Variants in PCSK2 observed in about 807,000 individuals in gnomAD.
The protein encoded by PCSK2 is neuroendocrine convertase 2.
A neutral mutation model predicts 69.7 loss-of-function variants in PCSK2; 14 were observed. The ratio of observed to expected loss-of-function variants is 0.20; its 90% CI spans 0.13 to 0.31. The LOEUF (loss-of-function observed/expected upper bound fraction) is 0.31, where lower values mean the gene tolerates loss of function less well. Among genes scored for constraint, PCSK2 ranks in the 10% least tolerant of loss-of-function variants. The pLI, the probability that PCSK2 is intolerant of heterozygous loss-of-function variation, is 1.00. For synonymous variants in PCSK2, 307 were observed against 320.7 expected (o/e 0.96, Z 0.46); for missense variants, 544 against 842.5 (o/e 0.65, Z 4.39).
At chr20:17,439,205 A>T (rs185209317) in intron 8 of PCSK2, among the ~76,000 whole-genome samples, 19 of 151,876 alleles carry the variant, frequency 1.3e-4, no homozygotes, top group African/African-American at 4.1e-4. Flanking sequence ...GCACAATCTC[A>T]GCTCACTGCA....
In PCSK2 at chr20:17,429,292, G is replaced by T. The variant is rs2032315537; in HGVS notation, c.621-143G>T. ...AGTCTTCACAGAACTTTAACACAAGGGCTGACCTCTTCAGTGACACAGGGT... is the reference window on the plus strand; with the variant it reads ...AGTCTTCACAGAACTTTAACACAAGTGCTGACCTCTTCAGTGACACAGGGT... On this transcript the variant is annotated intron_variant, in intron 6 of 11. Coordinates refer to ENST00000262545, the MANE Select transcript of PCSK2 (RefSeq NM_002594.5). 10 of 664,388 alleles carry T rather than the reference G, an allele frequency of 1.5e-5. No homozygotes were observed. In the South Asian group the frequency reaches 1.6e-4, roughly 11 times the overall value. 41.2% of individuals were successfully genotyped at this position (664,388 alleles called of 1,614,324 possible).
chr20:17,372,686 A>G lies in PCSK2; in HGVS notation c.543+3409A>G, dbSNP rs189019285. On this transcript the variant is annotated intron_variant, in intron 5 of 11. Coordinates refer to ENST00000262545, the MANE Select transcript of PCSK2 (RefSeq NM_002594.5). The stretch of plus-strand genomic sequence containing the variant: ...ACACTTGGAAGCTGACAATGAAATT[A>G]TATATATTTACATATGGCTGTGAAA... 1.1e-4 allele frequency among the ~76,000 whole-genome samples: 16 copies of G among 152,272 alleles called. No individual in the cohort carries two copies. The East Asian group carries it at 2.9e-3, about 28-fold the overall frequency.
intron 11 of PCSK2, among the ~76,000 whole-genome samples, chr20:17,476,152 C>T (rs937465574): frequency 5.9e-5 from 9 of 152,162 alleles, no homozygotes; most frequent in African/African-American, 1.9e-4. Flanking sequence ...GGCCAGAAAA[C>T]CTGCAAAACA....
intron 5 of PCSK2, among the ~76,000 whole-genome samples, chr20:17,405,637 G>C (rs1379773932): frequency 6.6e-6 from 1 of 152,224 alleles, no homozygotes; most frequent in East Asian, 1.9e-4. Context: ...CAGGCCATCT[G>C]TTTGAAAAGT....
Position 17,465,326 on chromosome 20 carries a change from C to A in PCSK2, c.1203C>A (p.Asn401Lys). Reference sequence around the variant, plus strand: ...CTTGCTCTCTGCTTCCTGTATCCAGCCTGGGTCTGACCTGGCGGGACATGC... The same window carrying A: ...CTTGCTCTCTGCTTCCTGTATCCAGACTGGGTCTGACCTGGCGGGACATGC... ...AGVFALALEA[N>K]LGLTWRDMQH... is the part of the protein sequence containing the mutation. Residue 401 changes from asparagine to lysine, a missense_variant and splice_region_variant, in exon 11 of 12, where the codon AAC becomes AAA. Physicochemically the swap from Asn to Lys is moderately conservative, Grantham distance 94. This residue lies in a region of PCSK2 where 187 missense variants were observed against 399.8 expected (regional missense o/e 0.47). Coordinates refer to ENST00000262545, the MANE Select transcript of PCSK2 (RefSeq NM_002594.5). 1 of 1,613,374 alleles carries A rather than the reference C, an allele frequency of 6.2e-7. No homozygotes were observed. Among genetic ancestry groups the A allele is most frequent in the Non-Finnish European group, 8.5e-7 (1 of 1,179,396 alleles).
intron 6 of PCSK2, among the ~76,000 whole-genome samples, chr20:17,416,106 T>C (rs1278835275): frequency 6.6e-6 from 1 of 152,176 alleles, no homozygotes; most frequent in East Asian, 1.9e-4. Flanking sequence ...ACTCAGGACA[T>C]AGGCATGGAC....
intron 2 of PCSK2, among the ~76,000 whole-genome samples, chr20:17,351,597 A>G (rs112191336): frequency 0.031 from 4,762 of 152,304 alleles, 256 homozygotes; most frequent in African/African-American, 0.11. Context: ...AACAAAAACC[A>G]TATTATCCTC....
At position 17,227,043 on chromosome 20, in the gene PCSK2, C is replaced by CT. The variant is rs1422316686; in HGVS notation, c.-260dup. On this transcript the variant is annotated 5_prime_UTR_variant, in exon 1 of 12. Coordinates refer to ENST00000262545, the MANE Select transcript of PCSK2 (RefSeq NM_002594.5). Reference sequence around the variant, plus strand: ...CATCAAGCACAGACCTACACTCGCTCTTTCTCTCCGGTACACACAGCTCCC... The same window carrying CT: ...CATCAAGCACAGACCTACACTCGCTCTTTTCTCTCCGGTACACACAGCTCCC... The CT allele has an allele frequency of 1.8e-5, 8 of 456,344 alleles. No homozygotes were observed. In the East Asian group the frequency reaches 2.6e-4, roughly 15 times the overall value. The allele number at this position is 456,344 out of a possible 1,614,324, so 28.3% of individuals were successfully genotyped here. A position where few individuals can be genotyped will look rare whatever the true frequency, so the allele number is the denominator to read the frequency against.
chr20:17,428,627 G>C (rs890022120), intron 6 of PCSK2, among the ~76,000 whole-genome samples: 3 of 152,028 alleles, frequency 2.0e-5, no homozygotes, highest in Non-Finnish European at 4.4e-5. Flanking sequence ...TGTGCATTCC[G>C]CAGGCCATAC....
At chr20:17,363,697 G>A (rs78860938) in intron 4 of PCSK2, among the ~76,000 whole-genome samples, 8,133 of 152,270 alleles carry the variant, frequency 0.053, 725 homozygotes, top group African/African-American at 0.19. Flanking sequence ...GAGATGGAAG[G>A]CCAGCGAGCT....
At chr20:17,466,932 T>C (rs2033112976) in intron 11 of PCSK2, among the ~76,000 whole-genome samples, 1 of 152,254 alleles carries the variant, frequency 6.6e-6, no homozygotes, top group African/African-American at 2.4e-5. Flanking sequence ...CTTGTGAGAT[T>C]CGTCCAGGTC....
intron 5 of PCSK2, among the ~76,000 whole-genome samples, chr20:17,392,857 G>T (rs1250909947): frequency 6.6e-6 from 1 of 151,806 alleles, no homozygotes. Flanking sequence ...CAGTTTGGAC[G>T]ATTATAAATA....
At chr20:17,477,647 T>C (rs2033315738) in intron 11 of PCSK2, among the ~76,000 whole-genome samples, 1 of 152,278 alleles carries the variant, frequency 6.6e-6, no homozygotes, top group Non-Finnish European at 1.5e-5. Context: ...TAATTATTGT[T>C]ATTTGGCAAA....
rs199724801 is a variant in PCSK2 at position 17,338,171 on chromosome 20, T to TTGG, written c.283-20156_283-20155insTGG. 1.6e-3 allele frequency among the ~76,000 whole-genome samples: 186 copies of TTGG among 112,908 alleles called. 6 individuals are homozygous for TTGG. Among genetic ancestry groups the TTGG allele is most frequent in the Middle Eastern group, 8.9e-3 (2 of 224 alleles). The allele number at this position is 112,908 out of a possible 152,430, so 74.1% of individuals were successfully genotyped here. A position where few individuals can be genotyped will look rare whatever the true frequency, so the allele number is the denominator to read the frequency against. ...CTGAGAAGAAACCTTACATTTTTTT[T>TTGG]GGGGGGGGGGGTTGTGTTTTTGTTT... On this transcript the variant is annotated intron_variant, in intron 2 of 11. Coordinates refer to ENST00000262545, the MANE Select transcript of PCSK2 (RefSeq NM_002594.5).
At chr20:17,268,307 AAC>A (rs946266037) in intron 2 of PCSK2, among the ~76,000 whole-genome samples, 1 of 152,078 alleles carries the variant, frequency 6.6e-6, no homozygotes, top group African/African-American at 2.4e-5. Flanking sequence ...AGAAACAAAA[AAC>A]AGATGACCAA....
At chr20:17,470,948 C>A (rs992865527) in intron 11 of PCSK2, among the ~76,000 whole-genome samples, 2 of 152,206 alleles carry the variant, frequency 1.3e-5, no homozygotes, top group South Asian at 4.1e-4. Context: ...AAAAAGGCAG[C>A]ACCGTTGCAG....
intron 5 of PCSK2, among the ~76,000 whole-genome samples, chr20:17,402,597 G>A (rs991528465): frequency 4.1e-5 from 6 of 144,918 alleles, no homozygotes; most frequent in African/African-American, 1.6e-4. Context: ...AGGGACAGAG[G>A]TTGCAGTGAG....
At chr20:17,301,671 G>A (rs945686211) in intron 2 of PCSK2, among the ~76,000 whole-genome samples, 41 of 152,126 alleles carry the variant, frequency 2.7e-4, no homozygotes, top group South Asian at 8.3e-4. Context: ...GGTGGCTCAC[G>A]CCTGTAATCC....
At chr20:17,417,411 G>A (rs942562168) in intron 6 of PCSK2, among the ~76,000 whole-genome samples, 9 of 152,132 alleles carry the variant, frequency 5.9e-5, no homozygotes, top group African/African-American at 2.2e-4. Context: ...ATGCCTTAGG[G>A]AGCCAATGAT....
Sources: allele counts gnomAD v4.1 joint callset (sites outside exome capture counted in the v4.1 genomes callset), GRCh38; gene constraint gnomAD v4.1.1; regional missense constraint gnomAD v4.1.1; transcripts MANE v1.5; gene names NCBI Gene and HGNC (gene_info 2026-07-23, HGNC 2026-07-21).